ORC3: variants seen among roughly 807,000 people sequenced by gnomAD.
ORC3 encodes the protein origin recognition complex subunit 3.
A neutral mutation model predicts 100.7 loss-of-function variants in ORC3; 78 were observed. That is an observed-to-expected ratio of 0.77 (90% CI 0.65 to 0.94). ORC3 has a LOEUF of 0.94. Among genes scored for constraint, ORC3 ranks in the 40% least tolerant of loss-of-function variants. The pLI, the probability that ORC3 is intolerant of heterozygous loss-of-function variation, is 0.00. For synonymous variants in ORC3, 295 were observed against 289.3 expected, an observed-to-expected ratio of 1.02 and a Z score of -0.20; for missense variants, 789 against 823.9, an observed-to-expected ratio of 0.96 and a Z score of 0.52.
intron 13 of ORC3, among the ~76,000 whole-genome samples, chr6:87,645,967 ATTTTTTCTTT>A (rs1004575097): frequency 1.2e-4 from 18 of 146,554 alleles, no homozygotes; most frequent in Non-Finnish European, 1.8e-4. Flanking sequence ...TAGTGAAATA[ATTTTTTCTTT>A]TTTTTTCTTT....
chr6:87,634,067 A>C lies in ORC3; in HGVS notation c.1186-778A>C, dbSNP rs538314127. 2.6e-5 allele frequency among the ~76,000 whole-genome samples: 4 copies of C among 152,090 alleles called. No individual in the cohort carries two copies. In the South Asian group the frequency reaches 8.3e-4, roughly 32 times the overall value. On this transcript the variant is annotated intron_variant, in intron 11 of 19. Transcript: ENST00000392844. ...CACTATGTTGCTCACCCAGGTCTTA[A>C]ACTTCTAAGCTCAAGCTATCCTCCT...
intron 10 of ORC3, 22 bp from the exon 11 acceptor site, chr6:87,621,928 T>A: frequency 6.4e-7 from 1 of 1,554,386 alleles, no homozygotes. Flanking sequence ...TCTTTTTATG[T>A]ATGGAATGGT....
At chr6:87,650,315 A>T (rs191973145) in intron 13 of ORC3, among the ~76,000 whole-genome samples, 6 of 152,154 alleles carry the variant, frequency 3.9e-5, no homozygotes, top group Admixed American at 6.5e-5. Context: ...CGGCCTCCCA[A>T]ACTGCTGGGA....
chr6:87,672,384 G>A (rs145546743), downstream of ORC3, among the ~76,000 whole-genome samples: 339 of 152,288 alleles, frequency 2.2e-3, 1 homozygote, highest in African/African-American at 8.0e-3. Flanking sequence ...GAAAATAGAT[G>A]CAGTAGAGAG....
In ORC3 at chr6:87,666,342, G is replaced by A. The variant is rs529752833; in HGVS notation, c.2030+509G>A. On this transcript the variant is annotated intron_variant, in intron 19 of 19. Coordinates refer to ENST00000392844, the MANE Select transcript of ORC3 (RefSeq NM_012381.4). ...AGACGGGGTTTCACCATGTTGGCCA[G>A]GCTGGTCTCGAACTCCTGACCTTGT... Among the ~76,000 whole-genome samples the A allele has an allele frequency of 1.1e-3, 174 of 151,850 alleles. 2 individuals carry two copies. Among genetic ancestry groups the A allele is most frequent in the African/African-American group, 4.1e-3 (170 of 41,406 alleles).
intron 9 of ORC3, among the ~76,000 whole-genome samples, chr6:87,619,613 C>T (rs569528075): frequency 6.6e-6 from 1 of 152,296 alleles, no homozygotes; most frequent in East Asian, 1.9e-4. Flanking sequence ...ACCATGTTGG[C>T]CAGGCTGGTC....
Position 87,607,745 on chromosome 6 carries a change from A to C in ORC3, c.500A>C (p.Glu167Ala). The change falls in exon 6 of 20, where the codon GAG becomes GCG. Residue 167 changes from glutamate to alanine, a missense_variant. By Grantham distance (107) the Glu-to-Ala change is moderately radical (BLOSUM62 -1). This residue lies in a region of ORC3 where 399 missense variants were observed against 382.0 expected (regional missense o/e 1.04). Coordinates refer to ENST00000392844, the MANE Select transcript of ORC3 (RefSeq NM_012381.4). ...DCCVDIKSKE[E>A]ESVHVTQRKT... Reference sequence around the variant, plus strand: ...TGTGTAGATATAAAATCCAAAGAGGAGGAAAGTGTTCACGTCACCCAAAGA... The same window carrying C: ...TGTGTAGATATAAAATCCAAAGAGGCGGAAAGTGTTCACGTCACCCAAAGA... 1 of 1,612,294 alleles carries C rather than the reference A, an allele frequency of 6.2e-7. No individual in the cohort carries two copies. Among genetic ancestry groups the C allele is most frequent in the Admixed American group, 1.7e-5 (1 of 59,948 alleles).
chr6:87,661,342 T>C (rs6454641), intron 16 of ORC3, among the ~76,000 whole-genome samples: 94,918 of 152,056 alleles, frequency 0.62, 30,852 homozygotes, highest in African/African-American at 0.81. Flanking sequence ...GTATAGAATA[T>C]TGTTTCTTAG....
At chr6:87,666,792 CATACT>C (rs1168306652) in intron 19 of ORC3, among the ~76,000 whole-genome samples, 1 of 152,086 alleles carries the variant, frequency 6.6e-6, no homozygotes. Flanking sequence ...GAGCAATTTC[CATACT>C]ATGTAGAACA....
intron 13 of ORC3, among the ~76,000 whole-genome samples, chr6:87,649,806 C>A (rs1406484104): frequency 6.6e-6 from 1 of 151,924 alleles, no homozygotes; most frequent in East Asian, 1.9e-4. Flanking sequence ...TTAAGAATAT[C>A]GATTAATTTG....
intron 1 of ORC3, among the ~76,000 whole-genome samples, chr6:87,592,020 C>T (rs1391106837): frequency 3.3e-5 from 5 of 152,154 alleles, no homozygotes; most frequent in Non-Finnish European, 5.9e-5. Flanking sequence ...CGTGAGCCAC[C>T]ACGCCCGGTC....
chr6:87,631,043 ATTT>A (rs11414874), intron 11 of ORC3, among the ~76,000 whole-genome samples: 2 of 136,556 alleles, frequency 1.5e-5, no homozygotes, highest in Non-Finnish European at 1.6e-5. Flanking sequence ...GCTAATTTAA[ATTT>A]TTTTTTTTTT....
chr6:87,667,854 G>A (rs1243990443), downstream of ORC3, among the ~76,000 whole-genome samples: 4 of 152,148 alleles, frequency 2.6e-5, no homozygotes, highest in Admixed American at 6.5e-5. Flanking sequence ...GCTCGAACCC[G>A]GGAGGCGGAG....
chr6:87,607,747 GA>G lies in ORC3; in HGVS notation c.505del (p.Ser169ValfsTer21). 6.2e-7 allele frequency: 1 copy of G among 1,612,158 alleles called. No homozygotes were observed. The highest frequency in any genetic ancestry group is 8.5e-7 in the Non-Finnish European group (1 of 1,178,724). On this transcript the variant is annotated frameshift_variant, in exon 6 of 20. Coordinates refer to ENST00000392844, the MANE Select transcript of ORC3 (RefSeq NM_012381.4). LOFTEE classifies it high-confidence loss of function. The part of the protein sequence containing the change: ...CCVDIKSKEE[E>X]SVHVTQRKTH... Reference sequence around the variant, plus strand: ...TGTAGATATAAAATCCAAAGAGGAGGAAAGTGTTCACGTCACCCAAAGAAAG... The same window carrying G: ...TGTAGATATAAAATCCAAAGAGGAGGAAGTGTTCACGTCACCCAAAGAAAG...
chr6:87,610,469 T>C (rs1183059606), intron 7 of ORC3, among the ~76,000 whole-genome samples: 2 of 151,990 alleles, frequency 1.3e-5, no homozygotes, highest in African/African-American at 4.8e-5. Context: ...TTAGTGCTCT[T>C]TGGGGCCTCC....
Position 87,667,287 on chromosome 6 carries a change from T to C in ORC3, c.*164T>C. The C allele has an allele frequency of 1.9e-6, 1 of 522,810 alleles. No homozygotes were observed. Among genetic ancestry groups the C allele is most frequent in the Non-Finnish European group, 3.4e-6 (1 of 298,102 alleles). The allele number at this position is 522,810 out of a possible 1,614,324, so 32.4% of individuals were successfully genotyped here. The stretch of plus-strand genomic sequence containing the variant: ...ACATTGCTAACCCCAAACAGGCATG[T>C]ATCAAAACACCTGTGGAGTACTTTA... On this transcript the variant is annotated 3_prime_UTR_variant, in exon 20 of 20. Coordinates refer to ENST00000392844, the MANE Select transcript of ORC3 (RefSeq NM_012381.4).
intron 10 of ORC3, among the ~76,000 whole-genome samples, 186 bp from the exon 11 acceptor site, chr6:87,621,764 G>A (rs1212766470): frequency 1.3e-5 from 2 of 151,990 alleles, no homozygotes; most frequent in African/African-American, 2.4e-5. Context: ...TATAGACTAT[G>A]AAGTCCAGCT....
chr6:87,676,455 A>C, the ORC3 span, among the ~76,000 whole-genome samples: 1 of 121,480 alleles, frequency 8.2e-6, no homozygotes, highest in African/African-American at 3.0e-5. Context: ...AACAAAAAAA[A>C]AAAAAAAAAA....
intron 10 of ORC3, among the ~76,000 whole-genome samples, chr6:87,621,688 A>G (rs528111961): frequency 2.0e-5 from 3 of 152,290 alleles, no homozygotes; most frequent in Admixed American, 6.5e-5. Context: ...CAAGTTCTCC[A>G]GAGTTACTTT....
Sources: gnomAD v4.1 joint callset for allele counts (sites outside exome capture counted in the v4.1 genomes callset) on GRCh38, gnomAD v4.1.1 for gene constraint, gnomAD v4.1.1 regional missense constraint, MANE v1.5 for transcripts, NCBI Gene and HGNC (gene_info 2026-07-23, HGNC 2026-07-21) for gene names.